RNF24: variants seen among roughly 807,000 people sequenced by gnomAD.
The protein encoded by RNF24 is ring finger protein 24.
A neutral mutation model predicts 20.0 loss-of-function variants in RNF24; 14 were observed. The observed-to-expected ratio is 0.70, with a 90% CI of 0.46 to 1.10. The LOEUF (loss-of-function observed/expected upper bound fraction) is 1.10, where lower values mean the gene tolerates loss of function less well. RNF24 is among the 50% of genes least tolerant of loss of function. The pLI is 0.00. For synonymous variants in RNF24, 45 were observed against 61.1 expected (o/e 0.74, Z 1.23); for missense variants, 124 against 177.6 (o/e 0.70, Z 1.71).
chr20:4,011,522 G>A (rs1463409026), intron 1 of RNF24, among the ~76,000 whole-genome samples: 2 of 152,222 alleles, frequency 1.3e-5, no homozygotes, highest in Non-Finnish European at 2.9e-5. Context: ...GAGTAGGAGA[G>A]AGGGGGCTCC....
chr20:4,000,791 C>T (rs1445163685), intron 1 of RNF24, among the ~76,000 whole-genome samples: 1 of 152,156 alleles, frequency 6.6e-6, no homozygotes, highest in African/African-American at 2.4e-5. Context: ...AGATAAACTA[C>T]ACTCACAATA....
intron 1 of RNF24, among the ~76,000 whole-genome samples, chr20:3,966,641 A>G (rs2091262547): frequency 6.6e-6 from 1 of 152,170 alleles, no homozygotes; most frequent in Admixed American, 6.5e-5. Context: ...ATGCACTGAC[A>G]GCTTTCTGTC....
chr20:3,959,247 G>A (rs879640255), intron 2 of RNF24, among the ~76,000 whole-genome samples: 8 of 151,938 alleles, frequency 5.3e-5, no homozygotes, highest in African/African-American at 1.7e-4. Context: ...TCTATCTCTC[G>A]GAAGGGATTG....
Position 3,943,293 on chromosome 20 carries a change from C to G in RNF24, c.228+1884G>C, listed in dbSNP as rs537717073. Among the ~76,000 whole-genome samples the G allele has an allele frequency of 9.9e-5, 15 of 151,574 alleles. No individual in the cohort carries two copies. In the East Asian group the frequency reaches 2.5e-3, roughly 25 times the overall value. On this transcript the variant is annotated intron_variant, in intron 4 of 5. Transcript: ENST00000358395. Reference sequence around the variant, plus strand: ...AGTTAATGCAATATAAATCAAAATCCCAGCAGGATTTTTTTTTTTTTTTTG... The same window carrying G: ...AGTTAATGCAATATAAATCAAAATCGCAGCAGGATTTTTTTTTTTTTTTTG...
At chr20:3,948,160 G>A (rs1211578450) in intron 3 of RNF24, 77 bp downstream of exon 3, 20 of 1,022,892 alleles carry the variant, frequency 2.0e-5, no homozygotes, top group South Asian at 5.6e-5. Flanking sequence ...CCAGTTTAAC[G>A]TATGAGTGGA....
intron 1 of RNF24, among the ~76,000 whole-genome samples, chr20:4,009,400 G>A (rs933206236): frequency 1.4e-4 from 21 of 152,112 alleles, no homozygotes; most frequent in Admixed American, 3.9e-4. Context: ...GCAAGAGAGA[G>A]GGCAAAAATG....
chr20:3,989,327 T>C (rs1409308594), intron 1 of RNF24, among the ~76,000 whole-genome samples: 2 of 151,828 alleles, frequency 1.3e-5, no homozygotes, highest in Non-Finnish European at 2.9e-5. Flanking sequence ...CTGTCTCTAC[T>C]AAAAATACAA....
chr20:3,954,371 G>C (rs2091117920), intron 2 of RNF24, among the ~76,000 whole-genome samples: 1 of 152,088 alleles, frequency 6.6e-6, no homozygotes, highest in Admixed American at 6.6e-5. Flanking sequence ...TTTCCACCTA[G>C]CATGTTTTTG....
chr20:4,005,940 C>A (rs1256826696), intron 1 of RNF24, among the ~76,000 whole-genome samples: 3 of 152,124 alleles, frequency 2.0e-5, no homozygotes, highest in African/African-American at 7.2e-5. Context: ...ATTTTGCTGT[C>A]AATTAAACAA....
intron 1 of RNF24, among the ~76,000 whole-genome samples, chr20:3,980,656 C>T (rs2147025633): frequency 6.6e-6 from 1 of 152,186 alleles, no homozygotes; most frequent in South Asian, 2.1e-4. Context: ...TGGAAAGCAT[C>T]CCAACTCATT....
At chr20:3,935,851 A>C (rs1349736107) in intron 4 of RNF24, among the ~76,000 whole-genome samples, 2 of 152,186 alleles carry the variant, frequency 1.3e-5, no homozygotes, top group African/African-American at 4.8e-5. Flanking sequence ...AGGCCATTTA[A>C]TTGGAGAGTG....
chr20:3,966,185 G>A (rs1163470528), intron 1 of RNF24, among the ~76,000 whole-genome samples: 2 of 148,502 alleles, frequency 1.3e-5, no homozygotes, highest in Non-Finnish European at 3.0e-5. Context: ...ATAAACATCT[G>A]TACTGGGCAA....
rs1437787189 is a variant in RNF24, at chr20:3,932,943, C to G, written c.*1120G>C. ...GGAAGTCCAAATACTGAGGCACACA[C>G]CAACGGTGGACAGCCCTGCAGGAGC... On this transcript the variant is annotated 3_prime_UTR_variant, in exon 6 of 6. Transcript: ENST00000358395. The G allele has an allele frequency of 2.5e-6, 1 of 398,454 alleles. No homozygotes were observed. The highest frequency in any genetic ancestry group is 4.4e-6 in the Non-Finnish European group (1 of 226,074). The allele number at this position is 398,454 out of a possible 1,614,324, so 24.7% of individuals were successfully genotyped here.
In RNF24 at chr20:3,945,218, C is replaced by A. The variant is rs1425666605; in HGVS notation, c.187G>T (p.Val63Phe). 3 of 1,589,068 alleles carry A rather than the reference C, an allele frequency of 1.9e-6. No individual in the cohort carries two copies. The highest frequency in any genetic ancestry group is 2.6e-6 in the Non-Finnish European group (3 of 1,166,418). Reference protein sequence around the residue: ...AHKEFYAYKQVILKEKVKELN... With the variant: ...AHKEFYAYKQFILKEKVKELN... ...TCTTTTACTTTCTCTTTTAATATAA[C>A]CTGTAAGACAAAAAAGTATGTTCTT... Residue 63 changes from valine to phenylalanine, a missense_variant and splice_region_variant, in exon 4 of 6, where the codon GTT becomes TTT. Coordinates refer to ENST00000358395, the MANE Select transcript of RNF24 (RefSeq NM_001134337.3).
At chr20:4,011,053 G>A (rs574288306) in intron 1 of RNF24, among the ~76,000 whole-genome samples, 2 of 152,208 alleles carry the variant, frequency 1.3e-5, no homozygotes, top group African/African-American at 4.8e-5. Context: ...ACAAGCAAAA[G>A]TAAAGAAAAA....
chr20:4,002,883 G>A (rs933093141), intron 1 of RNF24, among the ~76,000 whole-genome samples: 3 of 152,274 alleles, frequency 2.0e-5, no homozygotes, highest in East Asian at 1.9e-4. Flanking sequence ...AATGGATGGT[G>A]GTAGTGAATT....
rs1316025324 is a variant in RNF24 at position 3,927,712 on chromosome 20, A to AC, written c.*6350dup. 6.6e-6 allele frequency: 1 copy of AC among 152,222 alleles called. No individual in the cohort carries two copies. Among genetic ancestry groups the AC allele is most frequent in the Non-Finnish European group, 1.5e-5 (1 of 68,078 alleles). The allele number at this position is 152,222 out of a possible 1,614,324, so 9.4% of individuals were successfully genotyped here. On this transcript the variant is annotated 3_prime_UTR_variant, in exon 6 of 6. Transcript: ENST00000358395. The stretch of plus-strand genomic sequence containing the variant: ...AACACTTGCCACACCTGCTCCCCCG[A>AC]CCGGGGGCCTGGGAGGGAAGGGCAG...
At chr20:3,960,698 G>A (rs1364641680) in intron 2 of RNF24, among the ~76,000 whole-genome samples, 4 of 151,940 alleles carry the variant, frequency 2.6e-5, no homozygotes, top group South Asian at 2.1e-4. Context: ...AAAAACAATC[G>A]TACCAATGAC....
chr20:3,933,942 A>G lies in RNF24; in HGVS notation c.*121T>C. On this transcript the variant is annotated 3_prime_UTR_variant, in exon 6 of 6. Coordinates refer to ENST00000358395, the MANE Select transcript of RNF24 (RefSeq NM_001134337.3). ...AGTTTGGCTGGCCCAAGAGTTCTTC[A>G]TGAGGCAAAAGAAGTGGCAGCTGGT... 1 of 1,051,494 alleles carries G rather than the reference A, an allele frequency of 9.5e-7. No homozygotes were observed. The highest frequency in any genetic ancestry group is 1.3e-6 in the Non-Finnish European group (1 of 782,552). The allele number at this position is 1,051,494 out of a possible 1,614,324, so 65.1% of individuals were successfully genotyped here. A position where few individuals can be genotyped will look rare whatever the true frequency, so the allele number is the denominator to read the frequency against.
Sources: allele counts gnomAD v4.1 joint callset (sites outside exome capture counted in the v4.1 genomes callset), GRCh38; gene constraint gnomAD v4.1.1; transcripts MANE v1.5; gene names NCBI Gene and HGNC (gene_info 2026-07-23, HGNC 2026-07-21).